Variants in PAK5 observed in about 807,000 individuals in gnomAD.
PAK5 encodes p21 (RAC1) activated kinase 5, also known as serine/threonine-protein kinase PAK 5.
In PAK5, 16 loss-of-function variants were observed where a neutral mutation model predicts 65.9. The observed-to-expected ratio is 0.24, with a 90% confidence interval of 0.16 to 0.37. The LOEUF is 0.37. PAK5 is among the 10% of genes least tolerant of loss of function. PAK5 has a pLI of 1.00. For synonymous variants in PAK5, 371 were observed against 354.9 expected (o/e 1.05, Z -0.51); for missense variants, 785 against 903.9 (o/e 0.87, Z 1.69).
chr20:9,623,498 T>C (rs1289908003), intron 3 of PAK5, among the ~76,000 whole-genome samples: 1 of 152,218 alleles, frequency 6.6e-6, no homozygotes, highest in Non-Finnish European at 1.5e-5. Context: ...AATATAAATG[T>C]ACCAAATTAT....
intron 1 of PAK5, among the ~76,000 whole-genome samples, chr20:9,754,925 GA>G (rs1395923677): frequency 6.6e-6 from 1 of 152,138 alleles, no homozygotes. Flanking sequence ...TGTCTATCGG[GA>G]AATGTCTTTA....
rs115301544 is a variant in PAK5, at chr20:9,822,012, G to A, written c.-162+16750C>T. On this transcript the variant is annotated intron_variant, in intron 1 of 9. Transcript: ENST00000353224. ...CAGTACCCTACAAGAATGCAGGCCC[G>A]GTGTGGTGGCTTACGCCTATAATCC... Among the ~76,000 whole-genome samples, 637 of 152,256 alleles carry A rather than the reference G, an allele frequency of 4.2e-3. 3 individuals are homozygous for A. The highest frequency in any genetic ancestry group is 0.015 in the African/African-American group (604 of 41,560).
At chr20:9,583,727 T>C (rs554593675) in intron 3 of PAK5, among the ~76,000 whole-genome samples, 24 of 152,350 alleles carry the variant, frequency 1.6e-4, no homozygotes, top group African/African-American at 4.8e-4. Flanking sequence ...TAGAGTGCCA[T>C]ACAAATTAGT....
intron 1 of PAK5, among the ~76,000 whole-genome samples, chr20:9,802,435 C>T (rs905945490): frequency 2.6e-5 from 4 of 152,096 alleles, no homozygotes; most frequent in Admixed American, 1.3e-4. Context: ...AAGTAGTGTG[C>T]GCACACATCT....
chr20:9,678,356 A>G (rs1168761201), intron 2 of PAK5, among the ~76,000 whole-genome samples: 1 of 152,254 alleles, frequency 6.6e-6, no homozygotes, highest in African/African-American at 2.4e-5. Context: ...TCATGAGGTC[A>G]GGAGAGCAAG....
chr20:9,612,618 G>A (rs219850), intron 3 of PAK5, among the ~76,000 whole-genome samples: 64,392 of 151,794 alleles, frequency 0.42, 14,766 homozygotes, highest in South Asian at 0.72. Context: ...GTGCTAAACC[G>A]TTCGTGAGAA....
chr20:9,544,445 G>C lies in PAK5; in HGVS notation c.1793C>G (p.Pro598Arg), dbSNP rs765134491. The change falls in exon 8 of 10, where the codon CCG becomes CGG. Residue 598 changes from proline to arginine, a missense_variant. Pro to Arg is a moderately radical substitution (Grantham distance 103). Coordinates refer to ENST00000353224, the MANE Select transcript of PAK5 (RefSeq NM_177990.4). ...AGTGCCAACCAATGATTTCCTCTTC[G>C]GCACCTCTTTGGAAACTTGAGCACA... ...GFCAQVSKEV[P>R]KRKSLVGTPY... The C allele has an allele frequency of 4.3e-6, 7 of 1,613,768 alleles. No individual in the cohort carries two copies. The highest frequency in any genetic ancestry group is 4.0e-5 in the African/African-American group (3 of 74,996).
At chr20:9,718,332 A>T (rs1307887821) in intron 1 of PAK5, among the ~76,000 whole-genome samples, 1 of 152,072 alleles carries the variant, frequency 6.6e-6, no homozygotes, top group Non-Finnish European at 1.5e-5. Context: ...ATACATTTCA[A>T]GGTAACTTAG....
intron 1 of PAK5, among the ~76,000 whole-genome samples, chr20:9,716,006 T>A (rs991409916): frequency 2.0e-5 from 3 of 152,122 alleles, no homozygotes; most frequent in Non-Finnish European, 2.9e-5. Context: ...GTAACAAACC[T>A]GCACATTGTG....
intron 1 of PAK5, among the ~76,000 whole-genome samples, chr20:9,747,277 T>A (rs1600320283): frequency 6.6e-6 from 1 of 152,126 alleles, no homozygotes; most frequent in East Asian, 1.9e-4. Flanking sequence ...CTGGTACCAT[T>A]CCTTCTGAAA....
intron 2 of PAK5, among the ~76,000 whole-genome samples, chr20:9,702,597 G>A (rs977527908): frequency 2.6e-5 from 4 of 152,164 alleles, no homozygotes; most frequent in Non-Finnish European, 4.4e-5. Flanking sequence ...AACTGACTTA[G>A]ATGTGGAAAC....
intron 3 of PAK5, among the ~76,000 whole-genome samples, chr20:9,591,988 T>C (rs1373499675): frequency 6.6e-6 from 1 of 152,208 alleles, no homozygotes. Context: ...ATTGTAACTA[T>C]GCACTGTAAT....
chr20:9,791,666 T>C (rs1427159199), intron 1 of PAK5, among the ~76,000 whole-genome samples: 1 of 152,094 alleles, frequency 6.6e-6, no homozygotes, highest in Non-Finnish European at 1.5e-5. Context: ...TTAGAAAATA[T>C]AGCTCAAACC....
chr20:9,539,427 C>G lies in PAK5; in HGVS notation c.*35G>C. 6.2e-7 allele frequency: 1 copy of G among 1,600,664 alleles called. No homozygotes were observed. Among genetic ancestry groups the G allele is most frequent in the East Asian group, 2.2e-5 (1 of 44,760 alleles). On this transcript the variant is annotated 3_prime_UTR_variant, in exon 10 of 10. Transcript: ENST00000353224. ...TGTTCTCCTGAATTATTCTCATGTC[C>G]TCATCTAGCTTTGCCACCTACACGA...
chr20:9,799,206 T>C (rs2049139600), intron 1 of PAK5, among the ~76,000 whole-genome samples: 1 of 152,168 alleles, frequency 6.6e-6, no homozygotes, highest in Admixed American at 6.6e-5. Context: ...TATTGCACAA[T>C]GGCCTTCCAA....
intron 2 of PAK5, among the ~76,000 whole-genome samples, chr20:9,693,216 G>A (rs2047821493): frequency 6.6e-6 from 1 of 152,098 alleles, no homozygotes; most frequent in African/African-American, 2.4e-5. Flanking sequence ...TCAGAAAGGG[G>A]ATAAAAGTGG....
At chr20:9,689,476 G>A (rs535268066) in intron 2 of PAK5, among the ~76,000 whole-genome samples, 91 of 152,026 alleles carry the variant, frequency 6.0e-4, no homozygotes, top group Non-Finnish European at 1.1e-3. Flanking sequence ...TCTACATCCG[G>A]CAGCCTAACT....
intron 4 of PAK5, among the ~76,000 whole-genome samples, chr20:9,567,282 A>C (rs933802138): frequency 6.6e-6 from 1 of 152,130 alleles, no homozygotes; most frequent in African/African-American, 2.4e-5. Context: ...TGTTGATTGG[A>C]CTTGAGGCTC....
intron 1 of PAK5, among the ~76,000 whole-genome samples, chr20:9,806,036 C>T (rs369462975): frequency 6.6e-6 from 1 of 152,184 alleles, no homozygotes; most frequent in African/African-American, 2.4e-5. Flanking sequence ...ATGATCTCAG[C>T]CCCCTGCAAC....
Sources: gnomAD v4.1 joint callset for allele counts (sites outside exome capture counted in the v4.1 genomes callset) on GRCh38, gnomAD v4.1.1 for gene constraint, MANE v1.5 for transcripts, NCBI Gene and HGNC (gene_info 2026-07-23, HGNC 2026-07-21) for gene names.